Variants in HMBOX1 observed in about 807,000 individuals in gnomAD.
HMBOX1 encodes the protein homeobox containing 1, also known as homeobox-containing protein 1.
Under a neutral mutation model 54.5 loss-of-function variants are expected in HMBOX1, and 14 were observed. The observed-to-expected ratio is 0.26, with a 90% confidence interval of 0.17 to 0.40. The LOEUF (loss-of-function observed/expected upper bound fraction) is 0.40, where lower values mean the gene tolerates loss of function less well. Ranked by LOEUF, HMBOX1 falls within the 10% of genes least tolerant of loss-of-function variation. The pLI, the probability that HMBOX1 is intolerant of heterozygous loss-of-function variation, is 1.00. For synonymous variants in HMBOX1, 160 were observed against 181.0 expected (o/e 0.88, Z 0.93); for missense variants, 332 against 514.4 (o/e 0.65, Z 3.43).
At chr8:28,897,111 G>C (rs1812289113) in intron 1 of HMBOX1, among the ~76,000 whole-genome samples, 1 of 151,622 alleles carries the variant, frequency 6.6e-6, no homozygotes, top group African/African-American at 2.4e-5. Context: ...CAGCCTTCCT[G>C]AGTAGCTGGG....
rs1253306225 is a variant in HMBOX1, at chr8:28,960,745, C to CTCTTTT, written c.-57-3046_-57-3041dup. Among the ~76,000 whole-genome samples, 37 of 67,892 alleles carry CTCTTTT rather than the reference C, an allele frequency of 5.4e-4. 1 individual carries two copies. Among genetic ancestry groups the CTCTTTT allele is most frequent in the South Asian group, 1.8e-3 (3 of 1,634 alleles). 44.5% of individuals were successfully genotyped at this position (67,892 alleles called of 152,430 possible). On this transcript the variant is annotated intron_variant, in intron 1 of 9. Transcript: ENST00000287701. ...TATATTTTATAATTGTAAACTTATT[C>CTCTTTT]TCTTTTTCTTTTTCTTTTTCTTTTT...
chr8:28,983,249 C>CT (rs1425590419), intron 4 of HMBOX1, among the ~76,000 whole-genome samples: 1 of 152,156 alleles, frequency 6.6e-6, no homozygotes, highest in Non-Finnish European at 1.5e-5. Flanking sequence ...TCTCCATTGT[C>CT]TAAAAAATGA....
chr8:28,909,449 A>C (rs1461682236), intron 1 of HMBOX1, among the ~76,000 whole-genome samples: 1 of 152,234 alleles, frequency 6.6e-6, no homozygotes, highest in Non-Finnish European at 1.5e-5. Flanking sequence ...AAATTTCTAA[A>C]CACTTAGTCT....
chr8:28,904,162 T>C (rs185396521), intron 1 of HMBOX1, among the ~76,000 whole-genome samples: 1 of 152,310 alleles, frequency 6.6e-6, no homozygotes, highest in Admixed American at 6.5e-5. Context: ...CACTTATGAT[T>C]TCCAGTTTTT....
At chr8:28,941,106 CT>C (rs1355726418) in intron 1 of HMBOX1, among the ~76,000 whole-genome samples, 2 of 152,036 alleles carry the variant, frequency 1.3e-5, no homozygotes, top group Non-Finnish European at 2.9e-5. Context: ...TTACCTAAGC[CT>C]AGTCCTCATA....
intron 6 of HMBOX1, among the ~76,000 whole-genome samples, chr8:29,022,688 C>T (rs1015270556): frequency 8.6e-5 from 13 of 151,956 alleles, no homozygotes; most frequent in Admixed American, 3.3e-4. Context: ...TAATACAAAG[C>T]TGTCATTTAT....
intron 5 of HMBOX1, among the ~76,000 whole-genome samples, chr8:29,011,166 G>C (rs1009875925): frequency 1.3e-5 from 2 of 152,220 alleles, no homozygotes; most frequent in Admixed American, 6.5e-5. Flanking sequence ...TGTGGTATGA[G>C]TATGGTTTTC....
chr8:28,890,193 G>A (rs1714721390), upstream of HMBOX1: 2 of 393,148 alleles, frequency 5.1e-6, no homozygotes, highest in South Asian at 4.9e-5. Context: ...CGGGCCTGGG[G>A]CCCATGGTGT....
At chr8:29,028,102 A>T (rs1018652596) in intron 6 of HMBOX1, among the ~76,000 whole-genome samples, 7 of 152,130 alleles carry the variant, frequency 4.6e-5, no homozygotes, top group African/African-American at 7.2e-5. Flanking sequence ...ATTAATCCAA[A>T]ATATTCTCCC....
At chr8:28,959,787 C>A (rs1586099366) in intron 1 of HMBOX1, among the ~76,000 whole-genome samples, 1 of 151,998 alleles carries the variant, frequency 6.6e-6, no homozygotes, top group Non-Finnish European at 1.5e-5. Context: ...GATTTTGATG[C>A]CTCTTTCTAT....
intron 1 of HMBOX1, among the ~76,000 whole-genome samples, chr8:28,959,716 A>G (rs1825123619): frequency 2.0e-5 from 3 of 152,118 alleles, no homozygotes; most frequent in Non-Finnish European, 2.9e-5. Flanking sequence ...GTATTTTTCT[A>G]TAGTTTAGTA....
At chr8:28,989,770 AATAT>A (rs1453852180) in intron 4 of HMBOX1, among the ~76,000 whole-genome samples, 1 of 152,346 alleles carries the variant, frequency 6.6e-6, no homozygotes, top group South Asian at 2.1e-4. Flanking sequence ...GATTGTGTTG[AATAT>A]ATAGCTCAAT....
At chr8:28,996,937 A>G in intron 4 of HMBOX1, among the ~76,000 whole-genome samples, 1 of 152,142 alleles carries the variant, frequency 6.6e-6, no homozygotes, top group East Asian at 1.9e-4. Flanking sequence ...TTTATTTCGT[A>G]TATTGATCTT....
intron 1 of HMBOX1, among the ~76,000 whole-genome samples, chr8:28,914,472 C>T (rs938235487): frequency 6.6e-6 from 1 of 152,166 alleles, no homozygotes; most frequent in African/African-American, 2.4e-5. Context: ...TCATCAGAAT[C>T]ATCTTTTCCC....
chr8:29,028,325 A>G (rs763348213), intron 6 of HMBOX1, among the ~76,000 whole-genome samples: 36 of 152,208 alleles, frequency 2.4e-4, no homozygotes, highest in Non-Finnish European at 4.6e-4. Flanking sequence ...AATTAGAGAC[A>G]TGCATCTCTA....
At chr8:28,995,285 G>A (rs997272523) in intron 4 of HMBOX1, among the ~76,000 whole-genome samples, 2 of 151,970 alleles carry the variant, frequency 1.3e-5, no homozygotes, top group Non-Finnish European at 2.9e-5. Flanking sequence ...CTTTTGTGTC[G>A]GGCTTCCTTT....
intron 1 of HMBOX1, among the ~76,000 whole-genome samples, chr8:28,904,775 A>T (rs916228552): frequency 6.6e-6 from 1 of 151,352 alleles, no homozygotes; most frequent in African/African-American, 2.4e-5. Context: ...TCCTGGGTTC[A>T]CACCATTCTC....
intron 1 of HMBOX1, among the ~76,000 whole-genome samples, chr8:28,917,919 T>G (rs1816855719): frequency 6.6e-6 from 1 of 152,210 alleles, no homozygotes; most frequent in Non-Finnish European, 1.5e-5. Flanking sequence ...TGTTGAGGAT[T>G]TTTTCATCTG....
chr8:29,042,577 A>G (rs1452041465), intron 6 of HMBOX1: 1 of 453,228 alleles, frequency 2.2e-6, no homozygotes, highest in Non-Finnish European at 4.4e-6. Flanking sequence ...GGTTCCAGTT[A>G]AGGTTGAAAA....
Sources: allele counts gnomAD v4.1 joint callset (sites outside exome capture counted in the v4.1 genomes callset), GRCh38; gene constraint gnomAD v4.1.1; transcripts MANE v1.5; gene names NCBI Gene and HGNC (gene_info 2026-07-23, HGNC 2026-07-21).